PNPLA1: variants seen among roughly 807,000 people sequenced by gnomAD.
PNPLA1 encodes patatin like domain 1, omega-hydroxyceramide transacylase, also known as omega-hydroxyceramide transacylase.
In PNPLA1, 36 loss-of-function variants were observed where a neutral mutation model predicts 51.7. That is an observed-to-expected ratio of 0.70 (90% CI 0.53 to 0.92). The LOEUF (loss-of-function observed/expected upper bound fraction) is 0.92. Among genes scored for constraint, PNPLA1 ranks in the 40% least tolerant of loss-of-function variants. The probability of loss-of-function intolerance (pLI) is 0.00; values close to 1 mark genes in which losing one functional copy is unlikely to be tolerated. For synonymous variants in PNPLA1, 293 were observed against 280.1 expected, an observed-to-expected ratio of 1.05 and a Z score of -0.46; for missense variants, 658 against 682.5, an observed-to-expected ratio of 0.96 and a Z score of 0.40.
chr6:36,265,243 A>G (rs1769736366), upstream of PNPLA1, among the ~76,000 whole-genome samples: 1 of 152,186 alleles, frequency 6.6e-6, no homozygotes, highest in Non-Finnish European at 1.5e-5. Flanking sequence ...TGGGAGGCTG[A>G]GGCAGGAGAA....
At position 36,294,390 on chromosome 6, in the gene PNPLA1, G is replaced by T. The variant is rs142239227; in HGVS notation, c.705G>T (p.Pro235=). ...GGATGACCCACGCATTGTTCCCCCC[G>T]GACCTGGTGGTGAGAGGCAGGAGGG... ...IARMTHALFP[P]DLVILHDYYY... The change falls in exon 4 of 9, where the codon CCG becomes CCT. Residue 235 remains proline (P), a synonymous_variant. Coordinates refer to ENST00000636260, the MANE Select transcript of PNPLA1 (RefSeq NM_001374623.1). This position sits in a 1 kb window ranked among gnomAD's most constrained non-coding sequence, Gnocchi z 4.2. The T allele has an allele frequency of 1.2e-6, 2 of 1,613,914 alleles. No individual in the cohort carries two copies. The highest frequency in any genetic ancestry group is 8.5e-7 in the Non-Finnish European group (1 of 1,179,906).
intron 8 of PNPLA1, chr6:36,308,175 A>C (rs956318013): frequency 6.5e-6 from 1 of 152,760 alleles, no homozygotes; most frequent in African/African-American, 2.4e-5. Flanking sequence ...TCAGGAGTTC[A>C]AGAACAGCCT....
rs533725474 is a variant in PNPLA1, at chr6:36,244,124, C to T, written c.-81+863C>T. On this transcript the variant is annotated intron_variant, in intron 1 of 7. Coordinates refer to the PNPLA1 transcript ENST00000312917. ...CGTTTCTTTCTCTCCCTTCCTCTTCCACCTCCTTTTTCTCCTCCTCCTCCT... is the reference window on the plus strand; with the variant it reads ...CGTTTCTTTCTCTCCCTTCCTCTTCTACCTCCTTTTTCTCCTCCTCCTCCT... Among the ~76,000 whole-genome samples the T allele has an allele frequency of 2.6e-5, 4 of 152,204 alleles. No homozygotes were observed. In the East Asian group the frequency reaches 7.7e-4, roughly 29 times the overall value.
intron 1 of PNPLA1, among the ~76,000 whole-genome samples, chr6:36,275,045 A>C (rs1487141261): frequency 6.6e-6 from 1 of 152,104 alleles, no homozygotes; most frequent in Non-Finnish European, 1.5e-5. Flanking sequence ...AATGCTGTCA[A>C]ATGTATCCAT....
chr6:36,282,212 G>GGAAGGAAGGGAAGGAAGGAAGGAA (rs1554136650), intron 1 of PNPLA1, among the ~76,000 whole-genome samples: 46 of 108,728 alleles, frequency 4.2e-4, no homozygotes, highest in Non-Finnish European at 4.8e-4. Context: ...AAGGAAGGAA[G>GGAAGGAAGGGAAGGAAGGAAGGAA]GGAAGGAAGG....
At chr6:36,245,560 C>T (rs1300642601) in intron 1 of PNPLA1, among the ~76,000 whole-genome samples, 3 of 152,334 alleles carry the variant, frequency 2.0e-5, no homozygotes, top group Admixed American at 2.0e-4. Context: ...CTCTGGCTAT[C>T]AGGATGCTGG....
intron 1 of PNPLA1, among the ~76,000 whole-genome samples, chr6:36,279,932 G>A (rs951632860): frequency 6.6e-6 from 1 of 152,346 alleles, no homozygotes; most frequent in Admixed American, 6.5e-5. Flanking sequence ...AACAGGCTGG[G>A]CGTGGTGGCT....
intron 6 of PNPLA1, among the ~76,000 whole-genome samples, chr6:36,305,336 T>C (rs1418049383): frequency 1.3e-5 from 2 of 152,178 alleles, no homozygotes; most frequent in African/African-American, 2.4e-5. Context: ...CATTTAATGA[T>C]GGCCATTGGT....
At chr6:36,311,166 T>C (rs1174429977) in intron 8 of PNPLA1, among the ~76,000 whole-genome samples, 1 of 152,230 alleles carries the variant, frequency 6.6e-6, no homozygotes, top group African/African-American at 2.4e-5. Context: ...ACCAGATGAC[T>C]GATGCACGCT....
At chr6:36,269,747 A>G (rs367870425), upstream of PNPLA1, among the ~76,000 whole-genome samples, 21 of 152,264 alleles carry the variant, frequency 1.4e-4, no homozygotes, top group East Asian at 2.5e-3. Context: ...TTAAAATTTT[A>G]CCCAGGGCCA....
At chr6:36,278,308 C>A (rs1175313873) in intron 1 of PNPLA1, among the ~76,000 whole-genome samples, 1 of 152,182 alleles carries the variant, frequency 6.6e-6, no homozygotes, top group Non-Finnish European at 1.5e-5. Flanking sequence ...TGTTTGCTGG[C>A]TATTGGCCAG....
intron 1 of PNPLA1, among the ~76,000 whole-genome samples, chr6:36,283,304 A>T (rs1341825430): frequency 6.6e-6 from 1 of 152,236 alleles, no homozygotes; most frequent in Non-Finnish European, 1.5e-5. Context: ...GACAGTATTA[A>T]AATAGCATTG....
At position 36,302,025 on chromosome 6, in the gene PNPLA1, TGGGTTCCCAAAG is replaced by T; in HGVS notation, c.944_955del (p.Val315_Gly318del). On this transcript the variant is annotated inframe_deletion, in exon 6 of 9. Transcript: ENST00000636260. Reference sequence around the variant, plus strand: ...AGGAGCCACACAACCTCACAAGGAGTGGGTTCCCAAAGGGGATGGAAGGGGCAGCCATGGTCC... The same window carrying T: ...AGGAGCCACACAACCTCACAAGGAGTGGGATGGAAGGGGCAGCCATGGTCC... The T allele has an allele frequency of 6.2e-7, 1 of 1,613,614 alleles. No individual in the cohort carries two copies. The highest frequency in any genetic ancestry group is 1.1e-5 in the South Asian group (1 of 91,062).
chr6:36,245,285 G>A (rs1769244718), intron 1 of PNPLA1, among the ~76,000 whole-genome samples: 1 of 152,184 alleles, frequency 6.6e-6, no homozygotes, highest in African/African-American at 2.4e-5. Flanking sequence ...CATTTGCTGG[G>A]GGCCTGGGTT....
rs1770802785 is a variant in PNPLA1, at chr6:36,294,641, CT to C, written c.714+243del. On this transcript the variant is annotated intron_variant, in intron 4 of 8. Coordinates refer to ENST00000636260, the MANE Select transcript of PNPLA1 (RefSeq NM_001374623.1). The surrounding 1 kb of genome is among the most constrained non-coding windows in gnomAD (Gnocchi z 4.2). ...GTAAAGCGAGATGATGCCAGAAGTG[CT>C]GATAGAAATATTAACTGAACCCATC... is the stretch of plus-strand genomic sequence containing the variant. Among the ~76,000 whole-genome samples, 1 of 152,196 alleles carries C rather than the reference CT, an allele frequency of 6.6e-6. No homozygotes were observed. The highest frequency in any genetic ancestry group is 2.1e-4 in the South Asian group (1 of 4,834).
At chr6:36,263,806 C>G (rs1313688542) in intron 1 of PNPLA1, among the ~76,000 whole-genome samples, 3 of 152,224 alleles carry the variant, frequency 2.0e-5, no homozygotes, top group Non-Finnish European at 4.4e-5. Flanking sequence ...AGCCCATGCT[C>G]TGATCCACCC....
At chr6:36,311,263 A>T (rs527277905) in intron 8 of PNPLA1, among the ~76,000 whole-genome samples, 20 of 152,360 alleles carry the variant, frequency 1.3e-4, no homozygotes, top group African/African-American at 4.8e-4. Context: ...GATCTCAGGG[A>T]ACCTGGTGGA....
At chr6:36,290,257 C>A (rs1216954201) in intron 1 of PNPLA1, among the ~76,000 whole-genome samples, 1 of 152,178 alleles carries the variant, frequency 6.6e-6, no homozygotes, top group Non-Finnish European at 1.5e-5. Context: ...AAAAAGTTAG[C>A]AATCCTTTCC....
intron 1 of PNPLA1, among the ~76,000 whole-genome samples, chr6:36,286,568 T>TA (rs113578272): frequency 3.5e-4 from 51 of 145,874 alleles, no homozygotes; most frequent in East Asian, 1.4e-3. Context: ...ACCCTGTCTC[T>TA]AAAAAAAAAA....
Sources: gnomAD v4.1 joint callset for allele counts (sites outside exome capture counted in the v4.1 genomes callset) on GRCh38, gnomAD v4.1.1 for gene constraint, Gnocchi (gnomAD v3.1) non-coding constraint, MANE v1.5 for transcripts, NCBI Gene and HGNC (gene_info 2026-07-23, HGNC 2026-07-21) for gene names.